Variants in SUMF1 observed in about 807,000 individuals in gnomAD.
SUMF1 encodes the protein sulfatase modifying factor 1, also known as formylglycine-generating enzyme.
SUMF1 carries 48 observed loss-of-function variants against 47.6 expected under a neutral mutation model. That is an observed-to-expected ratio of 1.01 (90% CI 0.80 to 1.28). The LOEUF (loss-of-function observed/expected upper bound fraction) is 1.28. Among genes scored for constraint, SUMF1 ranks in the 50% most tolerant of loss-of-function variants. SUMF1 has a pLI of 0.00. For missense variants in SUMF1, 571 were observed against 485.4 expected, an observed-to-expected ratio of 1.18 and a Z score of -1.66; for synonymous variants, 230 against 192.1, an observed-to-expected ratio of 1.20 and a Z score of -1.63.
intron 7 of SUMF1, among the ~76,000 whole-genome samples, chr3:4,406,403 C>A (rs1258568230): frequency 1.3e-5 from 2 of 152,190 alleles, no homozygotes; most frequent in East Asian, 1.9e-4. Context: ...CACCTGTAAT[C>A]CCAGCACTTC....
rs149871897 is a variant in SUMF1, at chr3:4,346,017, G to C, written c.1014+30313C>G. Among the ~76,000 whole-genome samples the C allele has an allele frequency of 4.8e-3, 734 of 151,722 alleles. 7 individuals are homozygous for C. Among genetic ancestry groups the C allele is most frequent in the African/African-American group, 0.017 (708 of 41,308 alleles). On this transcript the variant is annotated intron_variant and NMD_transcript_variant, in intron 8 of 12. Coordinates refer to the SUMF1 transcript ENST00000448413. ...TATGCACCCAATACAGGAGCACCCAGATTCATAAAACAAATTTTTAGAGAT... is the reference window on the plus strand; with the variant it reads ...TATGCACCCAATACAGGAGCACCCACATTCATAAAACAAATTTTTAGAGAT...
At chr3:4,260,838 C>T (rs754037769) in intron 8 of SUMF1, among the ~76,000 whole-genome samples, 7 of 152,102 alleles carry the variant, frequency 4.6e-5, no homozygotes, top group Non-Finnish European at 7.4e-5. Flanking sequence ...GTGTCCTAAT[C>T]CCCAGATGGA....
intron 8 of SUMF1, chr3:4,317,301 A>G: frequency 8.1e-7 from 1 of 1,234,710 alleles, no homozygotes; most frequent in Non-Finnish European, 1.1e-6. Context: ...CCAAAACCGC[A>G]GTTAGTTTTG....
Position 4,467,035 on chromosome 3 carries a change from A to G in SUMF1, c.211T>C (p.Ser71Pro), listed in dbSNP as rs201984297. 223 of 1,578,104 alleles carry G rather than the reference A, an allele frequency of 1.4e-4. 1 individual carries two copies. The African/African-American group carries it at 2.6e-3, about 18-fold the overall frequency. Residue 71 changes from serine to proline, a missense_variant, in exon 1 of 9, where the codon TCG becomes CCG. Ser to Pro is a moderately conservative substitution (Grantham distance 74). Coordinates refer to ENST00000272902, the MANE Select transcript of SUMF1 (RefSeq NM_182760.4). ...GGGCCCGGAGCGTTAGCCTCCCGCG[A>G]GTATCGGTGAGCGGCTGCCGAACTG... ...HGSSAAAHRYSREANAPGPVP... is the reference protein window; with the variant it reads ...HGSSAAAHRYPREANAPGPVP...
intron 8 of SUMF1, among the ~76,000 whole-genome samples, chr3:4,217,791 C>G (rs899144205): frequency 6.6e-6 from 1 of 150,530 alleles, no homozygotes; most frequent in South Asian, 2.1e-4. Context: ...TAAGATATAT[C>G]CACAGGAACT....
chr3:4,286,380 C>T (rs1348194990), intron 8 of SUMF1, among the ~76,000 whole-genome samples: 1 of 152,032 alleles, frequency 6.6e-6, no homozygotes, highest in Non-Finnish European at 1.5e-5. Context: ...CTGGGAACAT[C>T]TTCTAATACA....
At chr3:4,257,775 C>G (rs926888019) in intron 8 of SUMF1, among the ~76,000 whole-genome samples, 2 of 151,926 alleles carry the variant, frequency 1.3e-5, no homozygotes, top group African/African-American at 4.8e-5. Context: ...AAAGTTCATA[C>G]GGAACCAAAA....
intron 7 of SUMF1, among the ~76,000 whole-genome samples, chr3:4,396,573 C>T (rs768714878): frequency 3.3e-5 from 5 of 152,142 alleles, no homozygotes; most frequent in Non-Finnish European, 7.4e-5. Context: ...TTATAGGGTC[C>T]TTCCCCACCA....
chr3:4,456,195 T>C (rs867998205), intron 1 of SUMF1, among the ~76,000 whole-genome samples: 1 of 152,222 alleles, frequency 6.6e-6, no homozygotes, highest in South Asian at 2.1e-4. Flanking sequence ...TCTTGACAAG[T>C]TAGGCATTGA....
At chr3:4,319,013 C>T (rs1698760246) in intron 8 of SUMF1, among the ~76,000 whole-genome samples, 1 of 152,182 alleles carries the variant, frequency 6.6e-6, no homozygotes, top group Admixed American at 6.5e-5. Flanking sequence ...TGAAAATGTG[C>T]TCAACATCAT....
At chr3:4,059,398 A>G (rs1442746884) in intron 9 of SUMF1, among the ~76,000 whole-genome samples, 2 of 152,158 alleles carry the variant, frequency 1.3e-5, no homozygotes, top group African/African-American at 4.8e-5. Context: ...CCATTCTGGA[A>G]TTGAAAACTT....
chr3:4,142,170 G>T (rs795295), intron 8 of SUMF1, among the ~76,000 whole-genome samples: 1 of 151,930 alleles, frequency 6.6e-6, no homozygotes, highest in Admixed American at 6.6e-5. Context: ...CCAAAATTTC[G>T]CAAGGAATAG....
intron 8 of SUMF1, among the ~76,000 whole-genome samples, chr3:4,218,296 T>A (rs1695983956): frequency 6.6e-6 from 1 of 151,888 alleles, no homozygotes. Flanking sequence ...AAAATAATAA[T>A]AATATGTAAT....
chr3:4,266,033 T>C (rs1225760476), intron 8 of SUMF1, among the ~76,000 whole-genome samples: 2 of 152,200 alleles, frequency 1.3e-5, no homozygotes, highest in African/African-American at 4.8e-5. Flanking sequence ...AAAGATCAGA[T>C]AGTTGTAGAC....
chr3:4,459,380 G>T (rs1275890299), intron 1 of SUMF1, among the ~76,000 whole-genome samples: 1 of 151,856 alleles, frequency 6.6e-6, no homozygotes, highest in Admixed American at 6.6e-5. Context: ...GGAAAAAAAA[G>T]AAGTCAAGGA....
chr3:4,357,628 G>A (rs915560246), downstream of SUMF1, among the ~76,000 whole-genome samples: 2 of 117,906 alleles, frequency 1.7e-5, no homozygotes, highest in Non-Finnish European at 3.7e-5. Context: ...TTTATTTTGA[G>A]ACGGAGTTTC....
Position 4,128,304 on chromosome 3 carries a change from T to C in SUMF1, c.1015-59559A>G, listed in dbSNP as rs1009709428. ...AGTGAGGGCATTGATTGGAAAAATATTGGGCCCTGAAACTTGGAATGGGGA... is the reference window on the plus strand; with the variant it reads ...AGTGAGGGCATTGATTGGAAAAATACTGGGCCCTGAAACTTGGAATGGGGA... On this transcript the variant is annotated intron_variant and NMD_transcript_variant, in intron 8 of 12. Coordinates refer to the SUMF1 transcript ENST00000448413. 2.8e-4 allele frequency among the ~76,000 whole-genome samples: 43 copies of C among 152,256 alleles called. 2 individuals carry two copies. Among genetic ancestry groups the C allele is most frequent in the African/African-American group, 7.7e-4 (32 of 41,546 alleles).
At chr3:4,174,489 A>G (rs1694912568) in intron 8 of SUMF1, among the ~76,000 whole-genome samples, 1 of 152,008 alleles carries the variant, frequency 6.6e-6, no homozygotes, top group South Asian at 2.1e-4. Flanking sequence ...AAATCACTTC[A>G]GCTCAGGAGT....
At chr3:4,253,946 T>TCCCTGAC (rs757520821) in intron 8 of SUMF1, among the ~76,000 whole-genome samples, 3 of 150,206 alleles carry the variant, frequency 2.0e-5, no homozygotes, top group Admixed American at 2.0e-4. Flanking sequence ...CTCAAGTGGG[T>TCCCTGAC]CCCTGACCCC....
Sources: gnomAD v4.1 joint callset for allele counts (sites outside exome capture counted in the v4.1 genomes callset) on GRCh38, gnomAD v4.1.1 for gene constraint, MANE v1.5 for transcripts, NCBI Gene and HGNC (gene_info 2026-07-23, HGNC 2026-07-21) for gene names.